The following DLG2 variants were observed in gnomAD, a reference collection of about 807,000 sequenced individuals.
The protein encoded by DLG2 is disks large homolog 2.
In DLG2, 45 loss-of-function variants were observed where a neutral mutation model predicts 132.5. That is an observed-to-expected ratio of 0.34 (90% CI 0.27 to 0.44). DLG2 has a LOEUF of 0.44. Ranked by LOEUF, DLG2 falls within the 20% of genes least tolerant of loss-of-function variation. DLG2 has a pLI of 1.00. For synonymous variants in DLG2, 424 were observed against 419.6 expected (o/e 1.01, Z -0.13); for missense variants, 1,045 against 1,196.9 (o/e 0.87, Z 1.87).
intron 7 of DLG2, among the ~76,000 whole-genome samples, chr11:84,384,995 C>T (rs867704899): frequency 4.6e-5 from 7 of 151,982 alleles, no homozygotes; most frequent in African/African-American, 1.7e-4. Flanking sequence ...TTTGGAGGCT[C>T]TTGAAAAAGG....
At chr11:84,905,635 C>T (rs542541477) in intron 6 of DLG2, among the ~76,000 whole-genome samples, 2 of 152,324 alleles carry the variant, frequency 1.3e-5, no homozygotes, top group South Asian at 2.1e-4. Flanking sequence ...CCACAGAAGT[C>T]TCCATGTGCC....
At chr11:85,258,627 A>T (rs1454615283) in intron 4 of DLG2, among the ~76,000 whole-genome samples, 1 of 152,200 alleles carries the variant, frequency 6.6e-6, no homozygotes, top group Non-Finnish European at 1.5e-5. Flanking sequence ...TAACTTCTAA[A>T]AAAGGTTCTC....
intron 3 of DLG2, among the ~76,000 whole-genome samples, chr11:85,505,395 A>G (rs2093906422): frequency 6.6e-6 from 1 of 152,188 alleles, no homozygotes; most frequent in African/African-American, 2.4e-5. Flanking sequence ...GATATGTCCC[A>G]TCAATATCTA....
intron 3 of DLG2, among the ~76,000 whole-genome samples, chr11:85,397,627 T>A (rs1330860275): frequency 6.6e-6 from 1 of 152,052 alleles, no homozygotes; most frequent in Non-Finnish European, 1.5e-5. Context: ...GGAGTTGCAA[T>A]CCTAGTCTCT....
At chr11:84,956,412 C>T (rs1181871104) in intron 6 of DLG2, among the ~76,000 whole-genome samples, 1 of 152,154 alleles carries the variant, frequency 6.6e-6, no homozygotes, top group Non-Finnish European at 1.5e-5. Context: ...AGTCCTGCCA[C>T]AAGAGAAGTA....
intron 15 of DLG2, among the ~76,000 whole-genome samples, chr11:83,884,797 A>G (rs61900051): frequency 0.097 from 14,655 of 151,196 alleles, 840 homozygotes; most frequent in Middle Eastern, 0.2. Context: ...ACAAAAATCC[A>G]CTGTTCTGCA....
intron 9 of DLG2, among the ~76,000 whole-genome samples, chr11:84,111,807 C>A (rs1026176616): frequency 3.5e-4 from 54 of 152,208 alleles, no homozygotes; most frequent in African/African-American, 1.3e-3. Flanking sequence ...GAGTACGGCA[C>A]AATATTTCCC....
At chr11:84,141,779 G>T (rs1050369701) in intron 9 of DLG2, among the ~76,000 whole-genome samples, 2 of 151,934 alleles carry the variant, frequency 1.3e-5, no homozygotes, top group Non-Finnish European at 2.9e-5. Context: ...CCATATTTTA[G>T]TTCATAGGTT....
rs1313764334 is a variant in DLG2 at position 84,996,439 on chromosome 11, C to G, written c.357+115222G>C. 2.0e-5 allele frequency among the ~76,000 whole-genome samples: 3 copies of G among 152,072 alleles called. No homozygotes were observed. The East Asian group carries it at 5.8e-4, about 29-fold the overall frequency. On this transcript the variant is annotated intron_variant, in intron 6 of 27. Coordinates refer to ENST00000376104, the MANE Select transcript of DLG2 (RefSeq NM_001142699.3). ...TTTCAAATGATTCAAATCTATCTTT[C>G]AATTCAGATCTGTGTACTACTTAAG...
chr11:84,259,344 C>T (rs1281319352), intron 7 of DLG2, among the ~76,000 whole-genome samples: 1 of 149,674 alleles, frequency 6.7e-6, no homozygotes, highest in Non-Finnish European at 1.5e-5. Flanking sequence ...CCTAGATTTT[C>T]TTCTCCTTTT....
intron 3 of DLG2, among the ~76,000 whole-genome samples, chr11:85,538,841 G>A (rs2153202214): frequency 1.3e-5 from 2 of 151,918 alleles, no homozygotes; most frequent in Middle Eastern, 6.8e-3. Flanking sequence ...GGCCTGTTGA[G>A]TGGAACAGGG....
chr11:83,944,602 T>C (rs1347202905), intron 14 of DLG2, among the ~76,000 whole-genome samples: 1 of 152,270 alleles, frequency 6.6e-6, no homozygotes, highest in East Asian at 1.9e-4. Context: ...TGGAAGAGAT[T>C]TTTTAGAAAG....
rs114562987 is a variant in DLG2, at chr11:84,090,895, T to G, written c.749+8028A>C. Among the ~76,000 whole-genome samples the G allele has an allele frequency of 9.2e-3, 1,406 of 152,328 alleles. 25 individuals are homozygous for G. Among genetic ancestry groups the G allele is most frequent in the African/African-American group, 0.032 (1,325 of 41,574 alleles). Reference sequence around the variant, plus strand: ...GTGAATGGCTAAATATGCTACTTTATAGCAATTAAATTATTTGCAAAGGCT... The same window carrying G: ...GTGAATGGCTAAATATGCTACTTTAGAGCAATTAAATTATTTGCAAAGGCT... On this transcript the variant is annotated intron_variant, in intron 10 of 27. Transcript: ENST00000376104.
intron 6 of DLG2, among the ~76,000 whole-genome samples, chr11:84,987,152 C>G (rs1469366454): frequency 6.6e-6 from 1 of 152,072 alleles, no homozygotes; most frequent in East Asian, 1.9e-4. Context: ...AGAACTCAAC[C>G]CCCTTTACAA....
At chr11:85,285,182 A>G in intron 4 of DLG2, 38 bp downstream of exon 4, 1 of 1,580,728 alleles carries the variant, frequency 6.3e-7, no homozygotes, top group Non-Finnish European at 8.6e-7. Flanking sequence ...CCTAAGTCCT[A>G]GTATTATTCA....
chr11:84,477,127 G>A (rs2099123821), intron 7 of DLG2, among the ~76,000 whole-genome samples: 1 of 152,050 alleles, frequency 6.6e-6, no homozygotes, highest in African/African-American at 2.4e-5. Context: ...TAAAAATAAT[G>A]TAGGCTTCTA....
intron 6 of DLG2, among the ~76,000 whole-genome samples, chr11:84,877,848 A>G (rs990844116): frequency 1.3e-5 from 2 of 152,160 alleles, no homozygotes; most frequent in African/African-American, 2.4e-5. Flanking sequence ...AGAATCTACA[A>G]GGAACTTAAA....
intron 7 of DLG2, among the ~76,000 whole-genome samples, chr11:84,410,573 AC>A (rs2098895420): frequency 7.1e-6 from 1 of 140,264 alleles, no homozygotes; most frequent in African/African-American, 2.7e-5. Context: ...AACCACATAA[AC>A]TTTTTTTTTT....
chr11:83,867,198 G>A (rs750339073), intron 16 of DLG2, among the ~76,000 whole-genome samples: 1 of 152,088 alleles, frequency 6.6e-6, no homozygotes, highest in Non-Finnish European at 1.5e-5. Flanking sequence ...TGGGGAGGTA[G>A]GAAAGGGTAG....
Sources: gnomAD v4.1 joint callset for allele counts (sites outside exome capture counted in the v4.1 genomes callset) on GRCh38, gnomAD v4.1.1 for gene constraint, MANE v1.5 for transcripts, NCBI Gene and HGNC (gene_info 2026-07-23, HGNC 2026-07-21) for gene names.